MOCS2: variants seen among roughly 807,000 people sequenced by gnomAD.
MOCS2 encodes molybdenum cofactor synthesis 2.
MOCS2 carries 13 observed loss-of-function variants against 21.9 expected under a neutral mutation model. That is an observed-to-expected ratio of 0.59 (90% CI 0.39 to 0.94). The LOEUF is 0.94. Among genes scored for constraint, MOCS2 ranks in the 40% least tolerant of loss-of-function variants. The probability of loss-of-function intolerance (pLI) is 0.00; values close to 1 mark genes in which losing one functional copy is unlikely to be tolerated. For synonymous variants in MOCS2, 92 were observed against 80.8 expected (o/e 1.14, Z -0.74); for missense variants, 227 against 218.3 (o/e 1.04, Z -0.25).
At chr5:53,099,931 T>C (rs569161310) in intron 6 of MOCS2, among the ~76,000 whole-genome samples, 3 of 152,288 alleles carry the variant, frequency 2.0e-5, no homozygotes, top group South Asian at 4.1e-4. Flanking sequence ...ACAGAAAACA[T>C]GCCAGAAGTT....
chr5:53,098,877 CCTA>C (rs1194093581), intron 6 of MOCS2, among the ~76,000 whole-genome samples: 1 of 152,106 alleles, frequency 6.6e-6, no homozygotes, highest in African/African-American at 2.4e-5. Flanking sequence ...TCCAAACATA[CCTA>C]CTACTTCAAC....
At position 53,097,642 on chromosome 5, in the gene MOCS2, G is replaced by A. The variant is rs1410962934; in HGVS notation, c.*960C>T. 1.3e-5 allele frequency: 2 copies of A among 152,136 alleles called. No individual in the cohort carries two copies. The highest frequency in any genetic ancestry group is 2.9e-5 in the Non-Finnish European group (2 of 68,024). The allele number at this position is 152,136 out of a possible 1,614,324, so 9.4% of individuals were successfully genotyped here. On this transcript the variant is annotated 3_prime_UTR_variant, in exon 7 of 7. Coordinates refer to ENST00000396954, the MANE Select transcript of MOCS2 (RefSeq NM_004531.5). ...AATATTCTCACCACACAGAAGAGGGGACTATGTGAGCTGAGGAATATGTTA... is the reference window on the plus strand; with the variant it reads ...AATATTCTCACCACACAGAAGAGGGAACTATGTGAGCTGAGGAATATGTTA...
chr5:53,098,316 C>A lies in MOCS2; in HGVS notation c.*286G>T. On this transcript the variant is annotated 3_prime_UTR_variant, in exon 7 of 7. Transcript: ENST00000396954. The stretch of plus-strand genomic sequence containing the variant: ...CCATACCTCAATGTGTGTTGAGTTA[C>A]AATTAGAAATTAGTCATGGAAGGAC... The A allele has an allele frequency of 2.3e-6, 1 of 434,312 alleles. No individual in the cohort carries two copies. The highest frequency in any genetic ancestry group is 2.5e-5 in the South Asian group (1 of 40,042). The allele number at this position is 434,312 out of a possible 1,614,324, so 26.9% of individuals were successfully genotyped here.
At chr5:53,098,787 C>T in intron 6 of MOCS2, 120 bp from the exon 7 acceptor site, 1 of 775,582 alleles carries the variant, frequency 1.3e-6, no homozygotes, top group Non-Finnish European at 2.2e-6. Flanking sequence ...CCTCTTTTAA[C>T]AATCATGACG....
Position 53,096,667 on chromosome 5 carries a change from A to T in MOCS2, c.*1935T>A, listed in dbSNP as rs767801364. On this transcript the variant is annotated 3_prime_UTR_variant, in exon 7 of 7. Transcript: ENST00000396954. ...TATCTAAGTCAAGTGCAATGCACTA[A>T]AATCTTTCAAGGCCATTCCATCCCA... is the stretch of plus-strand genomic sequence containing the variant. The T allele has an allele frequency of 1.3e-5, 2 of 152,238 alleles. No homozygotes were observed. The highest frequency in any genetic ancestry group is 2.9e-5 in the Non-Finnish European group (2 of 68,050). 9.4% of individuals were successfully genotyped at this position (152,238 alleles called of 1,614,324 possible).
chr5:53,105,381 T>C (rs748411198), intron 3 of MOCS2, among the ~76,000 whole-genome samples: 9 of 151,924 alleles, frequency 5.9e-5, no homozygotes, highest in African/African-American at 1.5e-4. Context: ...ACAGGACACA[T>C]AGACAAATGA....
At position 53,100,433 on chromosome 5, in the gene MOCS2, G is replaced by T; in HGVS notation, c.479C>A (p.Ala160Asp). 1 of 1,613,806 alleles carries T rather than the reference G, an allele frequency of 6.2e-7. No homozygotes were observed. The highest frequency in any genetic ancestry group is 2.2e-5 in the East Asian group (1 of 44,866). Reference sequence around the variant, plus strand: ...TACCTTTTTCCATATGGGCACCTTGGCTTTTAAAGTATCAATGGCATAGCT... The same window carrying T: ...TACCTTTTTCCATATGGGCACCTTGTCTTTTAAAGTATCAATGGCATAGCT... ...AVSYAIDTLK[A>D]KVPIWKKEIY... is the part of the protein sequence containing the mutation. Residue 160 changes from alanine (A) to aspartate (D), a missense_variant, in exon 6 of 7, where the codon GCC becomes GAC. Ala to Asp is a moderately radical substitution (Grantham distance 126). Coordinates refer to ENST00000396954, the MANE Select transcript of MOCS2 (RefSeq NM_004531.5).
chr5:53,108,747 C>G (rs568161701), intron 1 of MOCS2, 104 bp from the exon 2 acceptor site: 1 of 1,168,190 alleles, frequency 8.6e-7, no homozygotes, highest in South Asian at 1.7e-5. Context: ...TAATCAAAGA[C>G]AAATTTTATA....
At chr5:53,106,949 G>T in intron 3 of MOCS2, 128 bp downstream of exon 3, 1 of 974,856 alleles carries the variant, frequency 1.0e-6, no homozygotes, top group Non-Finnish European at 1.5e-6. Flanking sequence ...ATGAAGAGTT[G>T]CTGCATCAAT....
At chr5:53,102,605 G>A (rs932510353) in intron 3 of MOCS2, among the ~76,000 whole-genome samples, 5 of 140,212 alleles carry the variant, frequency 3.6e-5, no homozygotes, top group African/African-American at 1.3e-4. Flanking sequence ...AGAGTGTCCA[G>A]CATATGGACT....
At position 53,101,529 on chromosome 5, in the gene MOCS2, GAA is replaced by G; in HGVS notation, c.227-22_227-21del. ...TAGTCCCTTTAAAAATGAAAAAAAA[GAA>G]AAAGAAAACAATTAAAATAAGGTTT... is the stretch of plus-strand genomic sequence containing the variant. On this transcript the variant is annotated intron_variant, in intron 4 of 6. Coordinates refer to ENST00000396954, the MANE Select transcript of MOCS2 (RefSeq NM_004531.5). The G allele has an allele frequency of 2.6e-6, 4 of 1,531,054 alleles. No homozygotes were observed. The highest frequency in any genetic ancestry group is 3.6e-6 in the Non-Finnish European group (4 of 1,114,568). The allele number at this position is 1,531,054 out of a possible 1,614,324, so 94.8% of individuals were successfully genotyped here.
chr5:53,096,226 C>T lies in MOCS2; in HGVS notation c.*2376G>A, dbSNP rs941184407. ...TGTAAGATGTCTAAATCACTTATTT[C>T]TCAAAAAAGGCTGAAAATATATTGT... On this transcript the variant is annotated 3_prime_UTR_variant, in exon 7 of 7. Coordinates refer to ENST00000396954, the MANE Select transcript of MOCS2 (RefSeq NM_004531.5). The T allele has an allele frequency of 7.9e-5, 12 of 152,094 alleles. No individual in the cohort carries two copies. Among genetic ancestry groups the T allele is most frequent in the African/African-American group, 2.9e-4 (12 of 41,416 alleles). The allele number at this position is 152,094 out of a possible 1,614,324, so 9.4% of individuals were successfully genotyped here. A position where few individuals can be genotyped will look rare whatever the true frequency, so the allele number is the denominator to read the frequency against.
Position 53,109,259 on chromosome 5 carries a change from C to A in MOCS2, c.-178G>T. 9.0e-6 allele frequency: 9 copies of A among 997,092 alleles called. No individual in the cohort carries two copies. The highest frequency in any genetic ancestry group is 7.2e-6 in the Non-Finnish European group (6 of 837,958). The allele number at this position is 997,092 out of a possible 1,614,324, so 61.8% of individuals were successfully genotyped here. A position where few individuals can be genotyped will look rare whatever the true frequency, so the allele number is the denominator to read the frequency against. On this transcript the variant is annotated 5_prime_UTR_variant, in exon 1 of 7. Transcript: ENST00000396954. ...CGAAGTAAAATAGGCACCTGTCACT[C>A]CGTGCAAACAACTCTTTACGAAATA...
At chr5:53,102,548 A>G (rs1174466554) in intron 3 of MOCS2, among the ~76,000 whole-genome samples, 3 of 135,016 alleles carry the variant, frequency 2.2e-5, no homozygotes, top group Non-Finnish European at 3.3e-5. Flanking sequence ...GATAATGTTG[A>G]TCACTGATTG....
chr5:53,107,003 G>T, intron 3 of MOCS2, 74 bp downstream of exon 3: 1 of 1,543,960 alleles, frequency 6.5e-7, no homozygotes. Context: ...TACATTAACA[G>T]CAAACCACAT....
intron 2 of MOCS2, 92 bp downstream of exon 2, chr5:53,108,430 G>A: frequency 7.8e-7 from 1 of 1,280,070 alleles, no homozygotes; most frequent in Non-Finnish European, 1.1e-6. Context: ...CATTAAGCAC[G>A]GAAATCGAAA....
chr5:53,102,059 C>G, intron 4 of MOCS2, 38 bp downstream of exon 4: 1 of 1,601,806 alleles, frequency 6.2e-7, no homozygotes, highest in South Asian at 1.1e-5. Context: ...TTTCTATTGT[C>G]TTATACAGTG....
At chr5:53,105,250 C>A (rs75830869) in intron 3 of MOCS2, among the ~76,000 whole-genome samples, 1 of 151,858 alleles carries the variant, frequency 6.6e-6, no homozygotes, top group African/African-American at 2.4e-5. Flanking sequence ...AGTTCAAATG[C>A]TGTCTTTTGA....
rs1422772145 is a variant in MOCS2 at position 53,096,167 on chromosome 5, A to G, written c.*2435T>C. ...AACTACATCACACAAATCATTCTTG[A>G]GAGATCTTCACTGTACCAGGTGCTC... On this transcript the variant is annotated 3_prime_UTR_variant, in exon 7 of 7. Coordinates refer to ENST00000396954, the MANE Select transcript of MOCS2 (RefSeq NM_004531.5). 1 of 152,026 alleles carries G rather than the reference A, an allele frequency of 6.6e-6. No individual in the cohort carries two copies. The highest frequency in any genetic ancestry group is 1.5e-5 in the Non-Finnish European group (1 of 67,994). 9.4% of individuals were successfully genotyped at this position (152,026 alleles called of 1,614,324 possible). A position where few individuals can be genotyped will look rare whatever the true frequency, so the allele number is the denominator to read the frequency against.
Sources: gnomAD v4.1 joint callset for allele counts (sites outside exome capture counted in the v4.1 genomes callset) on GRCh38, gnomAD v4.1.1 for gene constraint, MANE v1.5 for transcripts, NCBI Gene and HGNC (gene_info 2026-07-23, HGNC 2026-07-21) for gene names.